Variants in DKKL1 observed in about 807,000 individuals in gnomAD.
DKKL1 encodes dickkopf like acrosomal protein 1.
In DKKL1, 11 loss-of-function variants were observed where a neutral mutation model predicts 16.5. That is an observed-to-expected ratio of 0.67 (90% confidence interval 0.42 to 1.10). The LOEUF (loss-of-function observed/expected upper bound fraction) is 1.10. Among genes scored for constraint, DKKL1 ranks in the 50% least tolerant of loss-of-function variants. DKKL1 has a pLI of 0.00. For synonymous variants in DKKL1, 119 were observed against 133.2 expected (o/e 0.89, Z 0.73); for missense variants, 320 against 308.1 (o/e 1.04, Z -0.29).
chr19:49,374,369 T>C (rs1446330460), intron 4 of DKKL1, among the ~76,000 whole-genome samples: 2 of 152,202 alleles, frequency 1.3e-5, no homozygotes, highest in Non-Finnish European at 2.9e-5. Flanking sequence ...CAAGAGCTTT[T>C]AGTCCTAAAG....
At chr19:49,364,422 G>A (rs1451391676) in intron 1 of DKKL1, among the ~76,000 whole-genome samples, 160 bp from the exon 2 acceptor site, 1 of 152,110 alleles carries the variant, frequency 6.6e-6, no homozygotes, top group African/African-American at 2.4e-5. Context: ...GCCTGGCAAG[G>A]TGGAGGGTGT....
In DKKL1 at chr19:49,374,826, G is replaced by T. The variant is rs144902139; in HGVS notation, c.527G>T (p.Arg176Leu). ...GCCTTCTGGATCATTAAGCTGCCAC[G>T]GCGGAGGTCCCACCAGGATGCCCTG... ...RVAFWIIKLP[R>L]RRSHQDALEG... The change falls in exon 5 of 5, where the codon CGG (arginine) becomes CTG (leucine). Residue 176 changes from arginine (R) to leucine (L), a missense_variant. By Grantham distance (102) the Arg-to-Leu change is moderately radical. Coordinates refer to ENST00000221498, the MANE Select transcript of DKKL1 (RefSeq NM_014419.4). The T allele has an allele frequency of 1.2e-6, 2 of 1,613,538 alleles. No homozygotes were observed. The highest frequency in any genetic ancestry group is 1.1e-5 in the South Asian group (1 of 90,988).
intron 4 of DKKL1, among the ~76,000 whole-genome samples, chr19:49,373,302 CAAA>C (rs35154036): frequency 1.0e-4 from 13 of 126,072 alleles, no homozygotes; most frequent in Non-Finnish European, 1.2e-4. Flanking sequence ...GACTCCATCT[CAAA>C]AAAAAAAAAA....
rs35389403 is a variant in DKKL1 at position 49,375,018 on chromosome 19, G to C, written c.719G>C (p.Arg240Pro). Residue 240 changes from arginine to proline, a missense_variant, in exon 5 of 5, where the codon CGG becomes CCG. Arg to Pro is a moderately radical substitution (Grantham distance 103). Transcript: ENST00000221498. ...THLLYILRPS[R>P]QL ...TTACTGTACATCCTCAGGCCCTCTC[G>C]GCAGCTGTAGGGGTGGGGACCGGGG... 1 of 1,605,118 alleles carries C rather than the reference G, an allele frequency of 6.2e-7. No individual in the cohort carries two copies. The highest frequency in any genetic ancestry group is 1.3e-5 in the African/African-American group (1 of 74,776).
chr19:49,372,265 G>C (rs945121547), intron 4 of DKKL1, among the ~76,000 whole-genome samples: 13 of 152,152 alleles, frequency 8.5e-5, no homozygotes, highest in African/African-American at 2.9e-4. Context: ...ATCCACTAGA[G>C]AGAAGTTGCC....
In DKKL1 at chr19:49,374,727, TGGA is replaced by T. The variant is rs751474746; in HGVS notation, c.433_435del (p.Glu145del). On this transcript the variant is annotated inframe_deletion, in exon 5 of 5. Coordinates refer to ENST00000221498, the MANE Select transcript of DKKL1 (RefSeq NM_014419.4). Reference sequence around the variant, plus strand: ...GTTCTTCCTCCCCAGGTACCCAGGATGGAGGAGAAGGAGGCCCTGGTACCCATC... The same window carrying T: ...GTTCTTCCTCCCCAGGTACCCAGGATGGAGAAGGAGGCCCTGGTACCCATC... 4.6e-6 allele frequency: 7 copies of T among 1,531,380 alleles called. No homozygotes were observed. Among genetic ancestry groups the T allele is most frequent in the South Asian group, 2.6e-5 (2 of 77,492 alleles). The allele number at this position is 1,531,380 out of a possible 1,614,324, so 94.9% of individuals were successfully genotyped here.
chr19:49,361,692 C>T (rs953009564), upstream of DKKL1: 2 of 152,630 alleles, frequency 1.3e-5, no homozygotes, highest in African/African-American at 4.8e-5. Context: ...AAACTTTTTC[C>T]AATACAGTCA....
intron 4 of DKKL1, chr19:49,370,378 G>GC (rs1379075489): frequency 6.6e-6 from 1 of 151,890 alleles, no homozygotes; most frequent in Non-Finnish European, 1.5e-5. Context: ...GTTGACAAAC[G>GC]CATGAAAGAA....
upstream of DKKL1, chr19:49,361,972 C>T (rs924572336): frequency 6.5e-6 from 1 of 152,812 alleles, no homozygotes; most frequent in African/African-American, 2.4e-5. Flanking sequence ...GACTTAAGAT[C>T]CAGAAAGCCC....
chr19:49,375,076 C>T lies in DKKL1; in HGVS notation c.*48C>T. On this transcript the variant is annotated 3_prime_UTR_variant, in exon 5 of 5. Coordinates refer to ENST00000221498, the MANE Select transcript of DKKL1 (RefSeq NM_014419.4). Reference sequence around the variant, plus strand: ...GCCTGTAGCCCCCATCAGACCCTGCCCCAAGCACCATATGGAAATAAAGTT... The same window carrying T: ...GCCTGTAGCCCCCATCAGACCCTGCTCCAAGCACCATATGGAAATAAAGTT... The T allele has an allele frequency of 2.0e-6, 3 of 1,524,194 alleles. No homozygotes were observed. The African/African-American group carries it at 4.2e-5, about 21-fold the overall frequency. 94.4% of individuals were successfully genotyped at this position (1,524,194 alleles called of 1,614,324 possible). A position where few individuals can be genotyped will look rare whatever the true frequency, so the allele number is the denominator to read the frequency against.
At chr19:49,368,528 C>T (rs139890645) in intron 4 of DKKL1, among the ~76,000 whole-genome samples, 7 of 147,134 alleles carry the variant, frequency 4.8e-5, no homozygotes, top group Admixed American at 2.7e-4. Context: ...TTCAAGACTA[C>T]AGAAAAGTTT....
At chr19:49,365,924 A>G (rs1045337829) in intron 4 of DKKL1, 39 bp downstream of exon 4, 2 of 1,575,068 alleles carry the variant, frequency 1.3e-6, no homozygotes, top group Admixed American at 3.7e-5. Flanking sequence ...CCAGGCCCAA[A>G]CATTTTCTTT....
At chr19:49,362,956 T>C (rs541131637), upstream of DKKL1, 462 of 138,184 alleles carry the variant, frequency 3.3e-3, 2 homozygotes, top group African/African-American at 0.013. Flanking sequence ...TTTTTGAGGA[T>C]TGGGGTCTGG....
upstream of DKKL1, chr19:49,363,157 G>A (rs1334324599): frequency 6.7e-6 from 1 of 149,238 alleles, no homozygotes; most frequent in Non-Finnish European, 1.5e-5. Context: ...TGGTGCCTGA[G>A]GGAAGATGGC....
In DKKL1 at chr19:49,365,863, G is replaced by A; in HGVS notation, c.395G>A (p.Gly132Glu). 6.2e-7 allele frequency: 1 copy of A among 1,614,126 alleles called. No individual in the cohort carries two copies. The highest frequency in any genetic ancestry group is 8.5e-7 in the Non-Finnish European group (1 of 1,180,002). ...GTGGCATCCATTCAACCAGCGGAGG[G>A]GAGCTTCGAGGGTGATTTGAAGGTT... is the stretch of plus-strand genomic sequence containing the variant. ...NVVASIQPAE[G>E]SFEGDLKVPR... The change falls in exon 4 of 5, where the codon GGG becomes GAG. Residue 132 changes from glycine to glutamate, a missense_variant. By Grantham distance (98) the Gly-to-Glu change is moderately conservative. Coordinates refer to ENST00000221498, the MANE Select transcript of DKKL1 (RefSeq NM_014419.4).
intron 1 of DKKL1, 115 bp downstream of exon 1, chr19:49,364,123 G>C: frequency 7.1e-7 from 1 of 1,413,756 alleles, no homozygotes; most frequent in Non-Finnish European, 9.7e-7. Context: ...GCCCAGGTGG[G>C]CGGATCGCTT....
rs73590153 is a variant in DKKL1, at chr19:49,365,397, G to A, written c.184-112G>A. The A allele has an allele frequency of 4.6e-3, 6,165 of 1,327,590 alleles. 246 individuals carry two copies. The African/African-American group carries it at 0.08, about 17-fold the overall frequency. The allele number at this position is 1,327,590 out of a possible 1,614,324, so 82.2% of individuals were successfully genotyped here. ...GTATCAGAGGGCAGAAAGTAAAGGG[G>A]ATGGGAGGGACTTGGGGCAAGGCCT... On this transcript the variant is annotated intron_variant, in intron 2 of 4. Transcript: ENST00000221498.
intron 4 of DKKL1, among the ~76,000 whole-genome samples, chr19:49,367,399 T>C (rs1189814342): frequency 1.3e-5 from 2 of 149,960 alleles, no homozygotes; most frequent in African/African-American, 2.5e-5. Context: ...ATTTCACCTT[T>C]GGTAAACTTT....
At chr19:49,374,534 G>A (rs1973645558) in intron 4 of DKKL1, among the ~76,000 whole-genome samples, 183 bp from the exon 5 acceptor site, 1 of 152,178 alleles carries the variant, frequency 6.6e-6, no homozygotes, top group Non-Finnish European at 1.5e-5. Context: ...AAAGCATTCT[G>A]TAAACCTCAG....
Sources: gnomAD v4.1 joint callset for allele counts (sites outside exome capture counted in the v4.1 genomes callset) on GRCh38, gnomAD v4.1.1 for gene constraint, MANE v1.5 for transcripts, NCBI Gene and HGNC (gene_info 2026-07-23, HGNC 2026-07-21) for gene names.